RPGRIP1: variants seen among roughly 807,000 people sequenced by gnomAD.
RPGRIP1 encodes the protein RPGR interacting protein 1.
In RPGRIP1, 128 loss-of-function variants were observed where a neutral mutation model predicts 157.9. The observed-to-expected ratio is 0.81, with a 90% CI of 0.70 to 0.94. The LOEUF (loss-of-function observed/expected upper bound fraction) is 0.94. Ranked by LOEUF, RPGRIP1 falls within the 40% of genes least tolerant of loss-of-function variation. The pLI, the probability that RPGRIP1 is intolerant of heterozygous loss-of-function variation, is 0.00. For missense variants in RPGRIP1, 1,486 were observed against 1,545.8 expected (o/e 0.96, Z 0.65); for synonymous variants, 554 against 571.6 (o/e 0.97, Z 0.44).
At chr14:21,350,104 G>A (rs1004032735) in intron 24 of RPGRIP1, among the ~76,000 whole-genome samples, 5 of 152,164 alleles carry the variant, frequency 3.3e-5, no homozygotes, top group Non-Finnish European at 5.9e-5. Context: ...GGCCAGGCGA[G>A]GTGGCTCATG....
intron 13 of RPGRIP1, 39 bp from the exon 14 acceptor site, chr14:21,321,815 C>T (rs1480373131): frequency 1.3e-5 from 20 of 1,595,116 alleles, no homozygotes; most frequent in Middle Eastern, 1.7e-4. Context: ...TGGTTTTAGG[C>T]CACTGAGATA....
At chr14:21,319,374 C>T (rs1882153548) in intron 11 of RPGRIP1, among the ~76,000 whole-genome samples, 1 of 152,084 alleles carries the variant, frequency 6.6e-6, no homozygotes, top group Non-Finnish European at 1.5e-5. Context: ...CCAGCCTGGC[C>T]AACATGGTGA....
intron 20 of RPGRIP1, among the ~76,000 whole-genome samples, chr14:21,331,938 T>TAA: frequency 1.1e-5 from 1 of 89,532 alleles, no homozygotes; most frequent in Non-Finnish European, 2.1e-5. Context: ...TATATATAAT[T>TAA]TTTTTTTTTT....
rs749872365 is a variant in RPGRIP1, at chr14:21,307,828, G to T, written c.898G>T (p.Val300Phe). ...TATGACAAAAGCACAATTAACAGAA[G>T]TTCAAGAGGTGAGTTGCCATCATCA... ...LVMTKAQLTE[V>F]QEAYETLLQK... is the part of the protein sequence containing the mutation. Residue 300 changes from valine (V) to phenylalanine (F), a missense_variant, in exon 7 of 25, where the codon GTT (valine) becomes TTT (phenylalanine). By Grantham distance (50) the Val-to-Phe change is conservative. Coordinates refer to ENST00000400017, the MANE Select transcript of RPGRIP1 (RefSeq NM_020366.4). 6.5e-7 allele frequency: 1 copy of T among 1,549,472 alleles called. No individual in the cohort carries two copies. Among genetic ancestry groups the T allele is most frequent in the Non-Finnish European group, 8.7e-7 (1 of 1,145,432 alleles).
At chr14:21,280,780 T>C (rs1880097984) in intron 1 of RPGRIP1, among the ~76,000 whole-genome samples, 1 of 151,780 alleles carries the variant, frequency 6.6e-6, no homozygotes, top group Non-Finnish European at 1.5e-5. Flanking sequence ...CTCTTAACAC[T>C]GTTCTCTCCC....
chr14:21,323,480 A>C (rs1285936068), intron 14 of RPGRIP1, among the ~76,000 whole-genome samples: 2 of 151,964 alleles, frequency 1.3e-5, no homozygotes, highest in Non-Finnish European at 2.9e-5. Flanking sequence ...TGATTTATCC[A>C]TGTCAGCGTG....
At chr14:21,318,004 C>T (rs1380596381) in intron 11 of RPGRIP1, 154 bp downstream of exon 11, 6 of 707,754 alleles carry the variant, frequency 8.5e-6, no homozygotes, top group Non-Finnish European at 1.5e-5. Context: ...AGCAATAGAT[C>T]AGATCTACAA....
intron 3 of RPGRIP1, among the ~76,000 whole-genome samples, chr14:21,298,917 G>A (rs1401993293): frequency 7.4e-6 from 1 of 134,264 alleles, no homozygotes; most frequent in Non-Finnish European, 1.5e-5. Flanking sequence ...TCCAGCCTGA[G>A]CAACAGAGTG....
At chr14:21,280,793 A>G (rs1252973256) in intron 1 of RPGRIP1, among the ~76,000 whole-genome samples, 5 of 151,768 alleles carry the variant, frequency 3.3e-5, no homozygotes, top group Non-Finnish European at 7.4e-5. Flanking sequence ...TCTCTCCCCA[A>G]TTTCCAAATC....
chr14:21,343,867 T>G (rs1207251658), intron 22 of RPGRIP1, among the ~76,000 whole-genome samples: 33 of 9,536 alleles, frequency 3.5e-3, no homozygotes, highest in South Asian at 8.7e-3. Flanking sequence ...TCTTTTCCTG[T>G]TTTTTTTTTT....
intron 24 of RPGRIP1, among the ~76,000 whole-genome samples, chr14:21,350,301 G>A (rs1267731184): frequency 6.6e-5 from 10 of 151,380 alleles, no homozygotes; most frequent in African/African-American, 1.7e-4. Flanking sequence ...GCTTGAACCC[G>A]GGAGGCGGAG....
At position 21,334,672 on chromosome 14, in the gene RPGRIP1, A is replaced by C. The variant is rs1373800447; in HGVS notation, c.3306A>C (p.Ile1102=). The C allele has an allele frequency of 6.2e-7, 1 of 1,608,034 alleles. No individual in the cohort carries two copies. Among genetic ancestry groups the C allele is most frequent in the Non-Finnish European group, 8.5e-7 (1 of 1,177,550 alleles). ...EAQTTDSDDV[I]VPPMSQKYPK... is the part of the protein sequence containing the mutation. ...AAACTACCGACAGTGATGATGTCAT[A>C]GTGCCACCCATGTCTCAGAAATATC... The change falls in exon 21 of 25, where the codon ATA becomes ATC. Residue 1102 remains isoleucine, a synonymous_variant. Transcript: ENST00000400017.
chr14:21,327,883 G>A (rs1883278436), intron 18 of RPGRIP1, 76 bp downstream of exon 18: 2 of 1,179,878 alleles, frequency 1.7e-6, no homozygotes, highest in East Asian at 5.0e-5. Context: ...CAGTATTATA[G>A]TTGAAGTAGG....
At chr14:21,299,016 G>A (rs888516765) in intron 3 of RPGRIP1, among the ~76,000 whole-genome samples, 1 of 146,122 alleles carries the variant, frequency 6.8e-6, no homozygotes, top group Non-Finnish European at 1.5e-5. Context: ...TTCAGAGTTG[G>A]TGATTTTTTT....
At chr14:21,320,522 A>G (rs1345570279) in intron 12 of RPGRIP1, among the ~76,000 whole-genome samples, 1 of 149,200 alleles carries the variant, frequency 6.7e-6, no homozygotes, top group Non-Finnish European at 1.5e-5. Flanking sequence ...CGATCTCCTG[A>G]CCTCGTGATC....
In RPGRIP1 at chr14:21,350,477, AATT is replaced by A. The variant is rs34707944; in HGVS notation, c.3749-623_3749-621del. On this transcript the variant is annotated intron_variant, in intron 24 of 24. Coordinates refer to ENST00000400017, the MANE Select transcript of RPGRIP1 (RefSeq NM_020366.4). ...TATTGTTTAATGAATCATGGTATAA[AATT>A]ATTCTTACTGATCATTATAAACATT... is the stretch of plus-strand genomic sequence containing the variant. Among the ~76,000 whole-genome samples the A allele has an allele frequency of 0.011, 1,661 of 152,130 alleles. 81 individuals carry two copies. The East Asian group carries it at 0.16, about 14-fold the overall frequency.
chr14:21,284,310 T>C (rs1327495294), intron 1 of RPGRIP1, among the ~76,000 whole-genome samples: 1 of 152,100 alleles, frequency 6.6e-6, no homozygotes, highest in Non-Finnish European at 1.5e-5. Flanking sequence ...ATTTGTTGTA[T>C]AGGGCACAAG....
intron 2 of RPGRIP1, among the ~76,000 whole-genome samples, chr14:21,288,744 C>A (rs1880401153): frequency 6.6e-6 from 1 of 151,932 alleles, no homozygotes; most frequent in South Asian, 2.1e-4. Context: ...GAACTCCTGA[C>A]CTCAAGTGAT....
chr14:21,343,323 G>T (rs569926078), intron 22 of RPGRIP1, 95 bp downstream of exon 22: 2 of 914,822 alleles, frequency 2.2e-6, no homozygotes, highest in South Asian at 3.2e-5. Context: ...GGTGAATCCA[G>T]CCATTTCACT....
Sources: gnomAD v4.1 joint callset for allele counts (sites outside exome capture counted in the v4.1 genomes callset) on GRCh38, gnomAD v4.1.1 for gene constraint, MANE v1.5 for transcripts, NCBI Gene and HGNC (gene_info 2026-07-23, HGNC 2026-07-21) for gene names.